The following SACS variants were observed in gnomAD, a reference collection of about 807,000 sequenced individuals.
SACS encodes the protein sacsin.
Under a neutral mutation model 348.0 loss-of-function variants are expected in SACS, and 197 were observed. The observed-to-expected ratio is 0.57, with a 90% CI of 0.50 to 0.64. SACS has a LOEUF of 0.64. Among genes scored for constraint, SACS ranks in the 30% least tolerant of loss-of-function variants. The pLI is 0.00. For missense variants in SACS, 4,999 were observed against 5,360.8 expected, an observed-to-expected ratio of 0.93 and a Z score of 2.11; for synonymous variants, 1,985 against 1,910.6, an observed-to-expected ratio of 1.04 and a Z score of -1.02.
intron 2 of SACS, among the ~76,000 whole-genome samples, chr13:23,390,118 G>T (rs974558328): frequency 6.6e-6 from 1 of 151,858 alleles, no homozygotes; most frequent in African/African-American, 2.4e-5. Flanking sequence ...ATTTTACTTG[G>T]TCTAGGAGCT....
At chr13:23,414,372 G>A (rs1219992409) in intron 1 of SACS, among the ~76,000 whole-genome samples, 2 of 152,136 alleles carry the variant, frequency 1.3e-5, no homozygotes, top group Non-Finnish European at 2.9e-5. Context: ...TTATATGATA[G>A]ATCAGAACTC....
chr13:23,374,619 C>T (rs1465021143), intron 3 of SACS, among the ~76,000 whole-genome samples: 1 of 152,156 alleles, frequency 6.6e-6, no homozygotes, highest in African/African-American at 2.4e-5. Flanking sequence ...ATCAAGTCAA[C>T]CTATCACTTG....
At chr13:23,417,200 C>T (rs1031130912) in intron 1 of SACS, among the ~76,000 whole-genome samples, 1 of 151,832 alleles carries the variant, frequency 6.6e-6, no homozygotes, top group African/African-American at 2.4e-5. Flanking sequence ...TTAAAAAGAC[C>T]CTTTAAAAAT....
Position 23,333,918 on chromosome 13 carries a change from CTT to C in SACS, c.9956_9957del (p.Lys3319SerfsTer56), listed in dbSNP as rs772704931. 9.9e-6 allele frequency: 16 copies of C among 1,613,792 alleles called. No individual in the cohort carries two copies. Among genetic ancestry groups the C allele is most frequent in the Non-Finnish European group, 1.4e-5 (16 of 1,179,802 alleles). ...CCAGCTTTCATTAGAGCATGAAAAA[CTT>C]TATCACTCTGGGCATTTGGAAAAAC... ...IAVFPNAQSD[K>X]VFHALMKAGC... On this transcript the variant is annotated frameshift_variant, in exon 10 of 10. Transcript: ENST00000382292. LOFTEE classifies it high-confidence loss of function.
At chr13:23,397,220 G>T (rs1008248100) in intron 2 of SACS, among the ~76,000 whole-genome samples, 1 of 152,116 alleles carries the variant, frequency 6.6e-6, no homozygotes, top group Non-Finnish European at 1.5e-5. Context: ...CAATTAATAA[G>T]GGTGAGGTGA....
At position 23,368,060 on chromosome 13, in the gene SACS, C is replaced by T. The variant is rs1871168497; in HGVS notation, c.345+342G>A. The stretch of plus-strand genomic sequence containing the variant: ...CTAATCGTAGAATGTATTTGGCTGG[C>T]CGGTTGGCTGGCTGGCTGGTTGGTT... On this transcript the variant is annotated intron_variant, in intron 5 of 9. Coordinates refer to ENST00000382292, the MANE Select transcript of SACS (RefSeq NM_014363.6). Among the ~76,000 whole-genome samples, 4 of 151,790 alleles carry T rather than the reference C, an allele frequency of 2.6e-5. No individual in the cohort carries two copies. In the South Asian group the frequency reaches 6.2e-4, roughly 24 times the overall value.
At chr13:23,429,513 C>T (rs1311007506) in intron 1 of SACS, among the ~76,000 whole-genome samples, 2 of 151,914 alleles carry the variant, frequency 1.3e-5, no homozygotes, top group African/African-American at 4.8e-5. Flanking sequence ...CAGGCGCCCG[C>T]CACCATGCCC....
chr13:23,424,183 GGAA>G, intron 1 of SACS, among the ~76,000 whole-genome samples: 10 of 152,076 alleles, frequency 6.6e-5, no homozygotes, highest in African/African-American at 2.4e-4. Context: ...GAATGCAACT[GGAA>G]TCTCCATTAT....
chr13:23,382,370 TA>T (rs1872093893), intron 2 of SACS, among the ~76,000 whole-genome samples: 1 of 152,130 alleles, frequency 6.6e-6, no homozygotes, highest in Non-Finnish European at 1.5e-5. Context: ...AATGGATCCA[TA>T]AAAAGCAAAA....
chr13:23,374,094 G>A (rs1280175646), intron 3 of SACS: 1 of 152,182 alleles, frequency 6.6e-6, no homozygotes, highest in Non-Finnish European at 1.5e-5. Context: ...GTAAAAAGCT[G>A]AACTCTTTAA....
rs370362235 is a variant in SACS at position 23,330,400 on chromosome 13, C to G, written c.13476G>C (p.Val4492=). Residue 4492 remains valine, a synonymous_variant, in exon 10 of 10, where the codon GTG becomes GTC. Transcript: ENST00000382292. ...TTACATCTTTATCAGACTTTCCCCTCACAGCATAGTCAGCTGCAATCAAAG... is the reference window on the plus strand; with the variant it reads ...TTACATCTTTATCAGACTTTCCCCTGACAGCATAGTCAGCTGCAATCAAAG... ...KLALIAADYA[V]RGKSDKDVKP... is the part of the protein sequence containing the mutation. 9 of 1,614,074 alleles carry G rather than the reference C, an allele frequency of 5.6e-6. No homozygotes were observed. The highest frequency in any genetic ancestry group is 7.6e-6 in the Non-Finnish European group (9 of 1,180,036).
rs549561985 is a variant in SACS, at chr13:23,395,237, G to A, written c.20+15983C>T. On this transcript the variant is annotated intron_variant, in intron 2 of 9. Transcript: ENST00000382292. ...CTTCATTGCTTGCAAAGTACCATTA[G>A]TTAAGAGTATGGGAGCTTCTCAGTC... 7.2e-5 allele frequency among the ~76,000 whole-genome samples: 11 copies of A among 152,178 alleles called. No individual in the cohort carries two copies. The East Asian group carries it at 1.9e-3, about 27-fold the overall frequency.
At chr13:23,390,783 T>A (rs1274427718) in intron 2 of SACS, among the ~76,000 whole-genome samples, 2 of 152,238 alleles carry the variant, frequency 1.3e-5, no homozygotes, top group Non-Finnish European at 2.9e-5. Flanking sequence ...AAGGCAGCCA[T>A]CCCTCGTCGT....
rs2137573326 is a variant in SACS at position 23,333,239 on chromosome 13, C to G, written c.10637G>C (p.Arg3546Thr). The change falls in exon 10 of 10, where the codon AGA becomes ACA. Residue 3546 changes from arginine to threonine, a missense_variant. By Grantham distance (71) the Arg-to-Thr change is moderately conservative (BLOSUM62 -1). This residue lies in a region of SACS where 831 missense variants were observed against 941.8 expected (regional missense o/e 0.88). Coordinates refer to ENST00000382292, the MANE Select transcript of SACS (RefSeq NM_014363.6). The stretch of plus-strand genomic sequence containing the variant: ...TTCAGGAAGCATAACTTCAAAAACT[C>G]TCACAGTTCTATCATAGAAATGCTT... ...QAKHFYDRTV[R>T]VFEVMLPEKL... 1 of 1,598,592 alleles carries G rather than the reference C, an allele frequency of 6.3e-7. No individual in the cohort carries two copies. The highest frequency in any genetic ancestry group is 8.5e-7 in the Non-Finnish European group (1 of 1,173,712).
chr13:23,431,810 G>A (rs1593188986), intron 1 of SACS, among the ~76,000 whole-genome samples: 1 of 152,204 alleles, frequency 6.6e-6, no homozygotes, highest in Non-Finnish European at 1.5e-5. Context: ...ATTTTGTACT[G>A]ATCAGGACTC....
intron 2 of SACS, among the ~76,000 whole-genome samples, chr13:23,388,333 C>CAA (rs370915261): frequency 0.027 from 1,902 of 71,240 alleles, 33 homozygotes; most frequent in Middle Eastern, 0.065. Context: ...GACTTTGTCT[C>CAA]AAAAAAAAAA....
intron 3 of SACS, among the ~76,000 whole-genome samples, chr13:23,373,052 C>T (rs941965302): frequency 6.6e-6 from 1 of 152,108 alleles, no homozygotes; most frequent in African/African-American, 2.4e-5. Context: ...TGCAGGGACA[C>T]CCTGCAAAAG....
At chr13:23,368,518 A>C in intron 4 of SACS, 31 bp from the exon 5 acceptor site, 8 of 1,531,428 alleles carry the variant, frequency 5.2e-6, no homozygotes, top group Non-Finnish European at 7.2e-6. Flanking sequence ...TAAGTGAGTT[A>C]GAAAAAAAAT....
At chr13:23,386,071 T>C (rs767086166) in intron 2 of SACS, among the ~76,000 whole-genome samples, 3 of 152,352 alleles carry the variant, frequency 2.0e-5, no homozygotes, top group African/African-American at 7.2e-5. Flanking sequence ...AGAGTAGATA[T>C]AGCATAATGC....
Sources: allele counts gnomAD v4.1 joint callset (sites outside exome capture counted in the v4.1 genomes callset), GRCh38; gene constraint gnomAD v4.1.1; regional missense constraint gnomAD v4.1.1; transcripts MANE v1.5; gene names NCBI Gene and HGNC (gene_info 2026-07-23, HGNC 2026-07-21).